The following GSG1L variants were observed in gnomAD, a reference collection of about 807,000 sequenced individuals.
GSG1L encodes the protein GSG1 like.
In GSG1L, 24 loss-of-function variants were observed where a neutral mutation model predicts 42.1. The ratio of observed to expected loss-of-function variants is 0.57; its 90% CI spans 0.41 to 0.80. The LOEUF (loss-of-function observed/expected upper bound fraction) is 0.80, where lower values mean the gene tolerates loss of function less well. GSG1L is among the 30% of genes least tolerant of loss of function. The pLI is 0.00. For synonymous variants in GSG1L, 215 were observed against 203.5 expected (o/e 1.06, Z -0.48); for missense variants, 445 against 472.2 (o/e 0.94, Z 0.53).
chr16:27,802,501 C>T (rs532306387), intron 6 of GSG1L, among the ~76,000 whole-genome samples: 2 of 152,228 alleles, frequency 1.3e-5, no homozygotes, highest in South Asian at 2.1e-4. Context: ...GTACACCTGG[C>T]GCAGGGGTTG....
In GSG1L at chr16:27,995,254, G is replaced by A. The variant is rs557682619; in HGVS notation, c.350-32051C>T. On this transcript the variant is annotated intron_variant, in intron 1 of 6. Transcript: ENST00000447459. ...GCAGCAGGCAGACATTCTCAGACACGAACGCCCTTGGAGAATATAGTATCC... is the reference window on the plus strand; with the variant it reads ...GCAGCAGGCAGACATTCTCAGACACAAACGCCCTTGGAGAATATAGTATCC... Among the ~76,000 whole-genome samples, 8 of 152,290 alleles carry A rather than the reference G, an allele frequency of 5.3e-5. No homozygotes were observed. In the East Asian group the frequency reaches 7.7e-4, roughly 15 times the overall value.
Position 27,884,167 on chromosome 16 carries a change from C to A in GSG1L, c.550+319G>T, listed in dbSNP as rs1000996815. Among the ~76,000 whole-genome samples the A allele has an allele frequency of 6.6e-6, 1 of 152,246 alleles. No homozygotes were observed. The highest frequency in any genetic ancestry group is 1.5e-5 in the Non-Finnish European group (1 of 68,042). On this transcript the variant is annotated intron_variant, in intron 3 of 6. Transcript: ENST00000447459. The surrounding 1 kb of genome is among the most constrained non-coding windows in gnomAD (Gnocchi z 4.4). Reference sequence around the variant, plus strand: ...TGCTGATACTGCAGATCCAATCCATCACAGACCATGTGGTACTGATCTCCT... The same window carrying A: ...TGCTGATACTGCAGATCCAATCCATAACAGACCATGTGGTACTGATCTCCT...
At chr16:27,910,419 CA>C (rs1323051301) in intron 2 of GSG1L, among the ~76,000 whole-genome samples, 2 of 152,184 alleles carry the variant, frequency 1.3e-5, no homozygotes, top group African/African-American at 4.8e-5. Context: ...TTAATCATCA[CA>C]AAAACCTCTG....
chr16:28,026,265 G>C (rs138838202), intron 1 of GSG1L, among the ~76,000 whole-genome samples: 1 of 152,284 alleles, frequency 6.6e-6, no homozygotes, highest in East Asian at 1.9e-4. Flanking sequence ...CACTGTGTGT[G>C]ACTGAATGAA....
At chr16:27,935,628 C>G (rs920490044) in intron 2 of GSG1L, among the ~76,000 whole-genome samples, 1 of 151,850 alleles carries the variant, frequency 6.6e-6, no homozygotes, top group South Asian at 2.1e-4. Context: ...GAGTTCAAAT[C>G]AGATCGTGCC....
At chr16:27,946,743 G>C (rs908232449) in intron 2 of GSG1L, among the ~76,000 whole-genome samples, 2 of 152,172 alleles carry the variant, frequency 1.3e-5, no homozygotes, top group Non-Finnish European at 2.9e-5. Context: ...ATGGAATTCT[G>C]TGCGTTATTC....
chr16:27,946,629 G>GAA (rs2084871141), intron 2 of GSG1L, among the ~76,000 whole-genome samples: 5 of 40,218 alleles, frequency 1.2e-4, no homozygotes, highest in East Asian at 1.9e-3. Flanking sequence ...GAGAGAGAGA[G>GAA]AGAAAGAAAG....
chr16:27,898,092 G>A (rs553164867), intron 2 of GSG1L, among the ~76,000 whole-genome samples: 101 of 152,304 alleles, frequency 6.6e-4, no homozygotes, highest in African/African-American at 1.9e-3. Context: ...GTTCAGAGAC[G>A]TCTCTGGCAG....
At chr16:28,017,364 C>G (rs2085793423) in intron 1 of GSG1L, among the ~76,000 whole-genome samples, 1 of 152,240 alleles carries the variant, frequency 6.6e-6, no homozygotes, top group Non-Finnish European at 1.5e-5. Flanking sequence ...CATTCAGTCA[C>G]TACTGTGTGA....
intron 1 of GSG1L, among the ~76,000 whole-genome samples, chr16:28,038,173 G>A (rs1346410664): frequency 6.6e-6 from 1 of 152,116 alleles, no homozygotes; most frequent in Non-Finnish European, 1.5e-5. Context: ...ACAGGATCTT[G>A]CTCTGTTGCC....
At chr16:27,931,883 A>G (rs979287045) in intron 2 of GSG1L, among the ~76,000 whole-genome samples, 14 of 152,214 alleles carry the variant, frequency 9.2e-5, no homozygotes, top group Non-Finnish European at 2.1e-4. Context: ...ACACAGCCAC[A>G]TGGATAATCT....
At chr16:27,815,171 A>G (rs2083081193) in intron 5 of GSG1L, among the ~76,000 whole-genome samples, 1 of 152,256 alleles carries the variant, frequency 6.6e-6, no homozygotes, top group Non-Finnish European at 1.5e-5. Flanking sequence ...TCCCCTCTAA[A>G]TCTTATGCTG....
Position 27,888,400 on chromosome 16 carries a change from CCTT to C in GSG1L, c.398-3765_398-3763del, listed in dbSNP as rs1186270421. 1.8e-4 allele frequency among the ~76,000 whole-genome samples: 23 copies of C among 130,628 alleles called. 1 individual carries two copies. The highest frequency in any genetic ancestry group is 5.0e-4 in the East Asian group (2 of 4,000). 85.7% of individuals were successfully genotyped at this position (130,628 alleles called of 152,430 possible). A position where few individuals can be genotyped will look rare whatever the true frequency, so the allele number is the denominator to read the frequency against. On this transcript the variant is annotated intron_variant, in intron 2 of 6. Coordinates refer to ENST00000447459, the MANE Select transcript of GSG1L (RefSeq NM_001109763.2). ...TGGTTCTTTCTTTCTTTTCTTTTCT[CCTT>C]CTTTCTTTCTTTCTTTCTTTCTTTC...
intron 1 of GSG1L, among the ~76,000 whole-genome samples, chr16:28,062,735 T>C (rs1377951910): frequency 1.3e-5 from 2 of 152,054 alleles, no homozygotes; most frequent in Admixed American, 1.3e-4. Context: ...GGAGATGAGT[T>C]CAGGAGCGGA....
chr16:27,918,386 G>C (rs182370432), intron 2 of GSG1L, among the ~76,000 whole-genome samples: 1 of 152,134 alleles, frequency 6.6e-6, no homozygotes, highest in Non-Finnish European at 1.5e-5. Flanking sequence ...GGCCTGGCGT[G>C]GTGGCTCATG....
chr16:27,817,025 G>A (rs539628443), intron 5 of GSG1L, among the ~76,000 whole-genome samples: 10 of 152,310 alleles, frequency 6.6e-5, no homozygotes, highest in African/African-American at 2.4e-4. Context: ...GATGGAGGCT[G>A]GGTGTTTGCT....
chr16:27,963,869 T>A (rs1469397494), intron 1 of GSG1L, among the ~76,000 whole-genome samples: 1 of 152,182 alleles, frequency 6.6e-6, no homozygotes, highest in Non-Finnish European at 1.5e-5. Context: ...TGCCTTTGCA[T>A]GTGTGAGTCT....
At chr16:27,838,042 G>A (rs1025411191) in intron 4 of GSG1L, among the ~76,000 whole-genome samples, 2 of 152,120 alleles carry the variant, frequency 1.3e-5, no homozygotes, top group South Asian at 2.1e-4. Context: ...GATTGTGGTT[G>A]TATTGAAGAA....
intron 1 of GSG1L, among the ~76,000 whole-genome samples, chr16:28,012,730 T>A (rs779993097): frequency 6.1e-4 from 93 of 151,802 alleles, no homozygotes; most frequent in Non-Finnish European, 8.4e-4. Context: ...TATGAAAAAA[T>A]TTTTAAAATA....
Sources: allele counts gnomAD v4.1 joint callset (sites outside exome capture counted in the v4.1 genomes callset), GRCh38; gene constraint gnomAD v4.1.1; non-coding constraint Gnocchi (gnomAD v3.1); transcripts MANE v1.5; gene names NCBI Gene and HGNC (gene_info 2026-07-23, HGNC 2026-07-21).